The following DDX60L variants were observed in gnomAD, a reference collection of about 807,000 sequenced individuals.
DDX60L encodes DExD/H-box 60 like, also known as probable ATP-dependent RNA helicase DDX60-like.
In DDX60L, 191 loss-of-function variants were observed where a neutral mutation model predicts 211.6. That is an observed-to-expected ratio of 0.90 (90% CI 0.80 to 1.02). The LOEUF (loss-of-function observed/expected upper bound fraction) is 1.02, where lower values mean the gene tolerates loss of function less well. Among genes scored for constraint, DDX60L ranks in the 50% least tolerant of loss-of-function variants. The probability of loss-of-function intolerance (pLI) is 0.00; values close to 1 mark genes in which losing one functional copy is unlikely to be tolerated. For synonymous variants in DDX60L, 706 were observed against 694.1 expected, an observed-to-expected ratio of 1.02 and a Z score of -0.27; for missense variants, 2,007 against 1,984.1, an observed-to-expected ratio of 1.01 and a Z score of -0.22.
At chr4:168,417,821 A>G (rs975624402) in intron 19 of DDX60L, among the ~76,000 whole-genome samples, 1 of 152,192 alleles carries the variant, frequency 6.6e-6, no homozygotes. Context: ...AACAGAATAC[A>G]TCGTGACAAT....
At position 168,391,649 on chromosome 4, in the gene DDX60L, G is replaced by GTA; in HGVS notation, c.3811-6_3811-5insTA. 12 of 1,070,440 alleles carry GTA rather than the reference G, an allele frequency of 1.1e-5. No homozygotes were observed. Among genetic ancestry groups the GTA allele is most frequent in the Non-Finnish European group, 1.5e-5 (12 of 797,926 alleles). The allele number at this position is 1,070,440 out of a possible 1,614,324, so 66.3% of individuals were successfully genotyped here. On this transcript the variant is annotated splice_region_variant and splice_polypyrimidine_tract_variant and intron_variant, in intron 28 of 37. Transcript: ENST00000682922. ...TGTTTCAGTAGCTGTCACTACCTAG[G>GTA]AAAAAAAAAAAAAAACAGTCAATAC...
intron 37 of DDX60L, among the ~76,000 whole-genome samples, chr4:168,359,356 C>T (rs1017003727): frequency 6.6e-6 from 1 of 152,188 alleles, no homozygotes; most frequent in Non-Finnish European, 1.5e-5. Flanking sequence ...CCAACTCATA[C>T]TTTTTTATTG....
rs140031400 is a variant in DDX60L, at chr4:168,437,582, T to C, written c.1294+3755A>G. 3.2e-3 allele frequency among the ~76,000 whole-genome samples: 494 copies of C among 152,304 alleles called. 3 individuals are homozygous for C. Among genetic ancestry groups the C allele is most frequent in the African/African-American group, 0.011 (466 of 41,564 alleles). ...GATGCAAAGGAAAGTCAGATAGGCC[T>C]CACTATACTCTCCTCCCTCTTGCAG... On this transcript the variant is annotated intron_variant, in intron 10 of 37. Coordinates refer to ENST00000682922, the MANE Select transcript of DDX60L (RefSeq NM_001012967.3).
At position 168,416,798 on chromosome 4, in the gene DDX60L, C is replaced by T; in HGVS notation, c.2611-1G>A. On this transcript the variant is annotated splice_acceptor_variant, in intron 19 of 37. Coordinates refer to ENST00000682922, the MANE Select transcript of DDX60L (RefSeq NM_001012967.3). LOFTEE classifies it high-confidence loss of function. ...CAACTTCTCTGCCAAGATAATGGAC[C>T]TAGTAAAGAAAAAAAAATCAGTTGA... The T allele has an allele frequency of 6.6e-7, 1 of 1,504,782 alleles. No individual in the cohort carries two copies. The highest frequency in any genetic ancestry group is 9.0e-7 in the Non-Finnish European group (1 of 1,116,174). The allele number at this position is 1,504,782 out of a possible 1,614,324, so 93.2% of individuals were successfully genotyped here. A position where few individuals can be genotyped will look rare whatever the true frequency, so the allele number is the denominator to read the frequency against.
chr4:168,406,046 C>T lies in DDX60L; in HGVS notation c.3117G>A (p.Lys1039=). 6.3e-7 allele frequency: 1 copy of T among 1,598,354 alleles called. No homozygotes were observed. The highest frequency in any genetic ancestry group is 8.5e-7 in the Non-Finnish European group (1 of 1,174,712). ...ELCPEEFILF[K]NKIVIKKLDA... Reference sequence around the variant, plus strand: ...CCAACTTCTTAATGACTATCTTATTCTTAAAAAGAATGAATTCCTCTGGAC... The same window carrying T: ...CCAACTTCTTAATGACTATCTTATTTTTAAAAAGAATGAATTCCTCTGGAC... The change falls in exon 24 of 38, where the codon AAG becomes AAA. Residue 1039 remains lysine, a synonymous_variant. Transcript: ENST00000682922.
intron 29 of DDX60L, chr4:168,390,627 A>T: frequency 1.5e-6 from 1 of 658,966 alleles, no homozygotes; most frequent in Non-Finnish European, 2.2e-6. Context: ...GACTAGGCAA[A>T]GATTATTGTC....
chr4:168,426,651 T>C (rs565508210), intron 14 of DDX60L, among the ~76,000 whole-genome samples: 2 of 152,320 alleles, frequency 1.3e-5, no homozygotes, highest in South Asian at 2.1e-4. Context: ...TTCTGCTGGC[T>C]AGACGGGCAG....
chr4:168,416,986 A>G (rs1380386812), intron 19 of DDX60L, among the ~76,000 whole-genome samples, 189 bp from the exon 20 acceptor site: 1 of 152,198 alleles, frequency 6.6e-6, no homozygotes, highest in Admixed American at 6.5e-5. Context: ...TATCGAAACC[A>G]TTATTAATTC....
chr4:168,362,302 C>T (rs1739247694), intron 36 of DDX60L, among the ~76,000 whole-genome samples: 3 of 152,190 alleles, frequency 2.0e-5, no homozygotes, highest in Admixed American at 1.3e-4. Flanking sequence ...TGCACTTGGC[C>T]CAATATCCAG....
intron 29 of DDX60L, among the ~76,000 whole-genome samples, chr4:168,389,773 AC>A (rs1269117285): frequency 2.0e-5 from 3 of 152,236 alleles, no homozygotes; most frequent in Non-Finnish European, 4.4e-5. Context: ...GTGTCAAAAT[AC>A]TGACATGAAG....
intron 7 of DDX60L, among the ~76,000 whole-genome samples, chr4:168,455,063 G>T (rs947803711): frequency 6.6e-6 from 1 of 151,776 alleles, no homozygotes; most frequent in African/African-American, 2.4e-5. Flanking sequence ...ATATTACCAT[G>T]CACAAAGTAA....
chr4:168,376,709 G>A (rs992767035), intron 33 of DDX60L, among the ~76,000 whole-genome samples: 2 of 152,308 alleles, frequency 1.3e-5, no homozygotes, highest in African/African-American at 2.4e-5. Flanking sequence ...GCTGGACACC[G>A]TTCTAGGGCA....
chr4:168,443,574 G>A (rs1372332467), intron 9 of DDX60L, among the ~76,000 whole-genome samples: 1 of 152,060 alleles, frequency 6.6e-6, no homozygotes, highest in African/African-American at 2.4e-5. Flanking sequence ...ACACATAATT[G>A]TCAGATTCAC....
chr4:168,435,699 C>G (rs1007780113), intron 10 of DDX60L, among the ~76,000 whole-genome samples: 17 of 152,148 alleles, frequency 1.1e-4, no homozygotes, highest in Non-Finnish European at 2.2e-4. Context: ...CTTCACTGTC[C>G]TACCCTAGCC....
intron 32 of DDX60L, among the ~76,000 whole-genome samples, chr4:168,378,775 G>C (rs755515099): frequency 7.2e-5 from 11 of 152,092 alleles, no homozygotes; most frequent in Non-Finnish European, 1.6e-4. Flanking sequence ...AGGCCATCTT[G>C]AGAGTGATCA....
intron 18 of DDX60L, 35 bp from the exon 19 acceptor site, chr4:168,419,432 T>C (rs974906936): frequency 6.1e-6 from 9 of 1,476,934 alleles, no homozygotes; most frequent in South Asian, 1.3e-5. Flanking sequence ...GCTAACTTTA[T>C]GGAGCATTAA....
chr4:168,437,675 T>A (rs758318319), intron 10 of DDX60L, among the ~76,000 whole-genome samples: 1 of 152,158 alleles, frequency 6.6e-6, no homozygotes, highest in Non-Finnish European at 1.5e-5. Context: ...AACAGAATCT[T>A]TGTGGCAATA....
intron 36 of DDX60L, among the ~76,000 whole-genome samples, chr4:168,368,506 T>C (rs1740392340): frequency 6.6e-6 from 1 of 152,220 alleles, no homozygotes; most frequent in Non-Finnish European, 1.5e-5. Context: ...TCTCAGGCAG[T>C]GAAGAAGGAA....
At chr4:168,374,262 C>CT (rs1413184055) in intron 34 of DDX60L, among the ~76,000 whole-genome samples, 1 of 152,110 alleles carries the variant, frequency 6.6e-6, no homozygotes, top group Non-Finnish European at 1.5e-5. Context: ...CACTACTTTC[C>CT]TTGCTTCCAC....
Sources: gnomAD v4.1 joint callset for allele counts (sites outside exome capture counted in the v4.1 genomes callset) on GRCh38, gnomAD v4.1.1 for gene constraint, MANE v1.5 for transcripts, NCBI Gene and HGNC (gene_info 2026-07-23, HGNC 2026-07-21) for gene names.